The following DISP2 variants were observed in gnomAD, a reference collection of about 807,000 sequenced individuals.
DISP2 encodes the protein dispatched RND transporter family member 2.
Under a neutral mutation model 95.5 loss-of-function variants are expected in DISP2, and 59 were observed. That is an observed-to-expected ratio of 0.62 (90% confidence interval 0.50 to 0.77). The LOEUF (loss-of-function observed/expected upper bound fraction) is 0.77. Among genes scored for constraint, DISP2 ranks in the 30% least tolerant of loss-of-function variants. The pLI is 0.00. For synonymous variants in DISP2, 827 were observed against 815.0 expected (o/e 1.01, Z -0.25); for missense variants, 1,752 against 1,854.6 (o/e 0.94, Z 1.02).
rs1377681234 is a variant in DISP2, at chr15:40,358,395, G to A, written c.74G>A (p.Arg25Gln). ...APGPGPEGEQ[R>Q]PEGEPLAPDG... Reference sequence around the variant, plus strand: ...GGCCCGGGTCCGGAAGGGGAGCAACGGCCCGAGGGGGAGCCCTTGGCCCCA... The same window carrying A: ...GGCCCGGGTCCGGAAGGGGAGCAACAGCCCGAGGGGGAGCCCTTGGCCCCA... Residue 25 changes from arginine to glutamine, a missense_variant, in exon 1 of 8, where the codon CGG becomes CAG. By Grantham distance (43) the Arg-to-Gln change is conservative (BLOSUM62 1). This residue lies in a region of DISP2 where 342 missense variants were observed against 364.3 expected (regional missense o/e 0.94). Coordinates refer to ENST00000267889, the MANE Select transcript of DISP2 (RefSeq NM_033510.3). The A allele has an allele frequency of 6.7e-6, 9 of 1,348,180 alleles. No homozygotes were observed. Among genetic ancestry groups the A allele is most frequent in the Non-Finnish European group, 8.5e-6 (9 of 1,053,748 alleles). The allele number at this position is 1,348,180 out of a possible 1,614,324, so 83.5% of individuals were successfully genotyped here.
intron 1 of DISP2, among the ~76,000 whole-genome samples, chr15:40,360,040 A>G (rs555620335): frequency 2.0e-5 from 3 of 152,270 alleles, no homozygotes; most frequent in South Asian, 4.1e-4. Context: ...AATGCGATAT[A>G]CATTTGCCCC....
At position 40,369,531 on chromosome 15, in the gene DISP2, G is replaced by A; in HGVS notation, c.3419G>A (p.Gly1140Asp). Residue 1140 changes from glycine to aspartate, a missense_variant, in exon 8 of 8, where the codon GGT becomes GAT. Physicochemically the swap from Gly to Asp is moderately conservative, Grantham distance 94. This residue lies in a region of DISP2 where 347 missense variants were observed against 344.2 expected (regional missense o/e 1.01). Transcript: ENST00000267889. Reference protein sequence around the residue: ...LPWDAGTGDPGGEKAGRPRPG... With the variant: ...LPWDAGTGDPDGEKAGRPRPG... The stretch of plus-strand genomic sequence containing the variant: ...TGGGATGCTGGTACTGGGGACCCTG[G>A]TGGGGAGAAGGCAGGCCGCCCACGA... The A allele has an allele frequency of 6.2e-7, 1 of 1,612,932 alleles. No individual in the cohort carries two copies. The highest frequency in any genetic ancestry group is 1.3e-5 in the African/African-American group (1 of 75,050).
In DISP2 at chr15:40,370,500, C is replaced by T. The variant is rs192571091; in HGVS notation, c.*182C>T. On this transcript the variant is annotated 3_prime_UTR_variant, in exon 8 of 8. Transcript: ENST00000267889. ...TTGATCTGTCTGCTCCTACTCCTCA[C>T]ATCTGGAGGATTCCAGCAGGAGGGG... 3.2e-4 allele frequency: 360 copies of T among 1,130,022 alleles called. 1 individual carries two copies. In the African/African-American group the frequency reaches 5.0e-3, roughly 16 times the overall value. The allele number at this position is 1,130,022 out of a possible 1,614,324, so 70.0% of individuals were successfully genotyped here.
In DISP2 at chr15:40,372,626, C is replaced by T. The variant is rs186185414; in HGVS notation, c.*2308C>T. ...TCTCTCTTCATGTCCAGGTAGCATTCGGCCTCTCTGACCTAGAGCTGCTCA... is the reference window on the plus strand; with the variant it reads ...TCTCTCTTCATGTCCAGGTAGCATTTGGCCTCTCTGACCTAGAGCTGCTCA... On this transcript the variant is annotated 3_prime_UTR_variant, in exon 8 of 8. Transcript: ENST00000267889. 7.2e-5 allele frequency: 11 copies of T among 152,312 alleles called. No homozygotes were observed. The East Asian group carries it at 1.7e-3, about 24-fold the overall frequency. The allele number at this position is 152,312 out of a possible 1,614,324, so 9.4% of individuals were successfully genotyped here.
Position 40,363,605 on chromosome 15 carries a change from C to CTTG in DISP2, c.120-18_120-16dup, listed in dbSNP as rs1889441151. 6.7e-7 allele frequency: 1 copy of CTTG among 1,502,138 alleles called. No homozygotes were observed. Among genetic ancestry groups the CTTG allele is most frequent in the Non-Finnish European group, 8.9e-7 (1 of 1,125,278 alleles). The allele number at this position is 1,502,138 out of a possible 1,614,324, so 93.1% of individuals were successfully genotyped here. A position where few individuals can be genotyped will look rare whatever the true frequency, so the allele number is the denominator to read the frequency against. On this transcript the variant is annotated intron_variant, in intron 1 of 7. Transcript: ENST00000267889. ...ACCACCATCCCCCACCCCAATCTTC[C>CTTG]TTGTCTCCTCTCTTCCTAGCACCCA...
intron 1 of DISP2, among the ~76,000 whole-genome samples, chr15:40,360,334 G>A (rs1211428760): frequency 4.6e-5 from 7 of 152,220 alleles, no homozygotes; most frequent in Admixed American, 4.6e-4. Flanking sequence ...AGGGCAGCAG[G>A]AGGTGACAAG....
chr15:40,362,223 A>G (rs182337382), intron 1 of DISP2, among the ~76,000 whole-genome samples: 94 of 152,308 alleles, frequency 6.2e-4, no homozygotes, highest in Non-Finnish European at 1.3e-3. Flanking sequence ...TCCATGGCCC[A>G]TGACAGGGTA....
At chr15:40,361,641 G>A (rs1030776042) in intron 1 of DISP2, among the ~76,000 whole-genome samples, 8 of 152,176 alleles carry the variant, frequency 5.3e-5, no homozygotes, top group African/African-American at 7.2e-5. Context: ...CTGTACTGCC[G>A]GGCCAGCCTG....
rs1852466280 is a variant in DISP2, at chr15:40,368,168, AC to A, written c.2058del (p.Ser687ArgfsTer110). On this transcript the variant is annotated frameshift_variant, in exon 8 of 8. Transcript: ENST00000267889. LOFTEE classifies it high-confidence loss of function. ...LRGLRRAAAG[T>X]SRLLFQRLLP... is the part of the protein sequence containing the mutation. The stretch of plus-strand genomic sequence containing the variant: ...CGGCCTGCGGAGGGCGGCGGCTGGC[AC>A]CTCGCGTCTGCTCTTCCAGCGCCTG... The A allele has an allele frequency of 6.4e-7, 1 of 1,568,510 alleles. No individual in the cohort carries two copies. Among genetic ancestry groups the A allele is most frequent in the Admixed American group, 1.8e-5 (1 of 55,876 alleles).
chr15:40,366,769 T>C (rs1992272), intron 7 of DISP2, among the ~76,000 whole-genome samples: 105,661 of 152,104 alleles, frequency 0.69, 36,975 homozygotes, highest in East Asian at 0.84. Flanking sequence ...CACTTTTACA[T>C]GGAGTTGGGG....
chr15:40,367,492 G>A lies in DISP2; in HGVS notation c.1380G>A (p.Trp460Ter), dbSNP rs753096222. 5 of 1,613,534 alleles carry A rather than the reference G, an allele frequency of 3.1e-6. No homozygotes were observed. The highest frequency in any genetic ancestry group is 3.4e-6 in the Non-Finnish European group (4 of 1,179,974). Residue 460 changes from tryptophan (W) to a stop codon, truncating the protein, a stop_gained, in exon 8 of 8, where the codon TGG becomes TGA. Coordinates refer to ENST00000267889, the MANE Select transcript of DISP2 (RefSeq NM_033510.3). LOFTEE classifies it high-confidence loss of function. ...DIYLDRLATPWGLADNYTSVT... is the reference protein window; with the variant it reads ...DIYLDRLATP The stretch of plus-strand genomic sequence containing the variant: ...ACCTGGACCGGCTGGCCACCCCCTG[G>A]GGGCTTGCTGACAACTACACCTCTG...
chr15:40,368,128 G>A lies in DISP2; in HGVS notation c.2016G>A (p.Leu672=). 6.8e-7 allele frequency: 1 copy of A among 1,465,538 alleles called. No homozygotes were observed. 90.8% of individuals were successfully genotyped at this position (1,465,538 alleles called of 1,614,324 possible). A position where few individuals can be genotyped will look rare whatever the true frequency, so the allele number is the denominator to read the frequency against. The part of the protein sequence containing the change: ...GSAPRRLLLA[L]HRRLRGLRRA... ...CGCCCCGGCGGCTACTGCTGGCGCTGCACCGGCGGCTCCGCGGCCTGCGGA... is the reference window on the plus strand; with the variant it reads ...CGCCCCGGCGGCTACTGCTGGCGCTACACCGGCGGCTCCGCGGCCTGCGGA... The change falls in exon 8 of 8, where the codon CTG becomes CTA. Residue 672 remains leucine (L), a synonymous_variant. Transcript: ENST00000267889.
rs1353340809 is a variant in DISP2 at position 40,370,508 on chromosome 15, G to T, written c.*190G>T. ...TCTGCTCCTACTCCTCACATCTGGA[G>T]GATTCCAGCAGGAGGGGTTTTGGAG... is the stretch of plus-strand genomic sequence containing the variant. On this transcript the variant is annotated 3_prime_UTR_variant, in exon 8 of 8. Coordinates refer to ENST00000267889, the MANE Select transcript of DISP2 (RefSeq NM_033510.3). 4.5e-6 allele frequency: 5 copies of T among 1,113,994 alleles called. No individual in the cohort carries two copies. The South Asian group carries it at 5.4e-5, about 12-fold the overall frequency. 69.0% of individuals were successfully genotyped at this position (1,113,994 alleles called of 1,614,324 possible).
rs779760492 is a variant in DISP2 at position 40,369,369 on chromosome 15, G to A, written c.3257G>A (p.Arg1086His). ...CTGCCTGCCACAGTGCTGCTCTATC[G>A]CAAGCTGGGCATCATCCTCATGATG... ...LMLPATVLLY[R>H]KLGIILMMVK... Residue 1086 changes from arginine to histidine, a missense_variant, in exon 8 of 8, where the codon CGC (arginine) becomes CAC (histidine). Arg to His is a conservative substitution (Grantham distance 29, BLOSUM62 0). Transcript: ENST00000267889. 1.3e-5 allele frequency: 21 copies of A among 1,613,366 alleles called. No homozygotes were observed. The highest frequency in any genetic ancestry group is 3.3e-5 in the South Asian group (3 of 91,088).
Position 40,374,913 on chromosome 15 carries a change from T to C in DISP2, c.*4595T>C, listed in dbSNP as rs1889709765. On this transcript the variant is annotated 3_prime_UTR_variant, in exon 8 of 8. Transcript: ENST00000267889. ...TGTGAGCCACTACACCCGGCCCTGA[T>C]CTTTTCTTTGACGGTGGCAGTATCT... The C allele has an allele frequency of 6.6e-6, 1 of 152,144 alleles. No homozygotes were observed. Among genetic ancestry groups the C allele is most frequent in the Admixed American group, 6.6e-5 (1 of 15,258 alleles). 9.4% of individuals were successfully genotyped at this position (152,144 alleles called of 1,614,324 possible). A position where few individuals can be genotyped will look rare whatever the true frequency, so the allele number is the denominator to read the frequency against.
chr15:40,358,673 G>A (rs1270158301), intron 1 of DISP2, among the ~76,000 whole-genome samples: 2 of 152,042 alleles, frequency 1.3e-5, no homozygotes, highest in Non-Finnish European at 2.9e-5. Context: ...CCCCGCTTAG[G>A]GAACCTGCCC....
chr15:40,369,352 C>T lies in DISP2; in HGVS notation c.3240C>T (p.Ala1080=). 6.2e-7 allele frequency: 1 copy of T among 1,613,566 alleles called. No homozygotes were observed. Among genetic ancestry groups the T allele is most frequent in the Non-Finnish European group, 8.5e-7 (1 of 1,180,012 alleles). ...CGGCAGGCGTGCTCATGCTGCCTGC[C>T]ACAGTGCTGCTCTATCGCAAGCTGG... ...LFAAGVLMLP[A]TVLLYRKLGI... Residue 1080 remains alanine (A), a synonymous_variant, in exon 8 of 8, where the codon GCC becomes GCT. Transcript: ENST00000267889.
Position 40,367,275 on chromosome 15 carries a change from G to A in DISP2, c.1163G>A (p.Gly388Glu), listed in dbSNP as rs35043215. The A allele has an allele frequency of 0.081, 130,336 of 1,613,724 alleles. 8,682 individuals carry two copies. Among genetic ancestry groups the A allele is most frequent in the South Asian group, 0.31 (28,125 of 91,048 alleles). Reference protein sequence around the residue: ...GALVPSCLGPGQNKSPRCAQV... With the variant: ...GALVPSCLGPEQNKSPRCAQV... Reference sequence around the variant, plus strand: ...TTGGTGCCCTCTTGTCTGGGACCTGGGCAGAACAAGTCCCCACGCTGTGCC... The same window carrying A: ...TTGGTGCCCTCTTGTCTGGGACCTGAGCAGAACAAGTCCCCACGCTGTGCC... The change falls in exon 8 of 8, where the codon GGG (glycine) becomes GAG (glutamate). Residue 388 changes from glycine to glutamate, a missense_variant. Physicochemically the swap from Gly to Glu is moderately conservative, Grantham distance 98 (BLOSUM62 -2). Coordinates refer to ENST00000267889, the MANE Select transcript of DISP2 (RefSeq NM_033510.3).
rs779975608 is a variant in DISP2 at position 40,367,510 on chromosome 15, C to T, written c.1398C>T (p.Tyr466=). The T allele has an allele frequency of 6.2e-7, 1 of 1,613,764 alleles. No homozygotes were observed. Among genetic ancestry groups the T allele is most frequent in the Non-Finnish European group, 8.5e-7 (1 of 1,179,996 alleles). Residue 466 remains tyrosine (Y), a synonymous_variant, in exon 8 of 8, where the codon TAC becomes TAT. Transcript: ENST00000267889. ...CCCCCTGGGGGCTTGCTGACAACTA[C>T]ACCTCTGTCACTGGCATGGACCTGG... The part of the protein sequence containing the change: ...LATPWGLADN[Y]TSVTGMDLGL...
Sources: allele counts gnomAD v4.1 joint callset (sites outside exome capture counted in the v4.1 genomes callset), GRCh38; gene constraint gnomAD v4.1.1; regional missense constraint gnomAD v4.1.1; transcripts MANE v1.5; gene names NCBI Gene and HGNC (gene_info 2026-07-23, HGNC 2026-07-21).